Variants in FAM168A observed in about 807,000 individuals in gnomAD.
FAM168A encodes protein FAM168A.
Under a neutral mutation model 28.5 loss-of-function variants are expected in FAM168A, and 3 were observed. The ratio of observed to expected loss-of-function variants is 0.11; its 90% CI spans 0.05 to 0.27. The LOEUF (loss-of-function observed/expected upper bound fraction) is 0.27. Ranked by LOEUF, FAM168A falls within the 10% of genes least tolerant of loss-of-function variation. The probability of loss-of-function intolerance (pLI) is 1.00; values close to 1 mark genes in which losing one functional copy is unlikely to be tolerated. For missense variants in FAM168A, 222 were observed against 311.5 expected (o/e 0.71, Z 2.16); for synonymous variants, 122 against 124.2 (o/e 0.98, Z 0.12).
At chr11:73,468,869 T>C (rs1179460806) in intron 1 of FAM168A, among the ~76,000 whole-genome samples, 2 of 152,192 alleles carry the variant, frequency 1.3e-5, no homozygotes, top group Non-Finnish European at 2.9e-5. Flanking sequence ...GTTTAAGATC[T>C]CTGAGGTCCT....
At chr11:73,562,868 C>T (rs1943975243) in intron 1 of FAM168A, among the ~76,000 whole-genome samples, 1 of 152,052 alleles carries the variant, frequency 6.6e-6, no homozygotes, top group African/African-American at 2.4e-5. Flanking sequence ...GGTGGTTCTG[C>T]CTGAACCTGA....
chr11:73,584,724 G>A (rs1381522737), intron 1 of FAM168A, among the ~76,000 whole-genome samples: 3 of 151,772 alleles, frequency 2.0e-5, no homozygotes, highest in Non-Finnish European at 2.9e-5. Context: ...TGATCCGCCC[G>A]CCTCAGCCTC....
intron 2 of FAM168A, among the ~76,000 whole-genome samples, chr11:73,453,887 A>G (rs1867478630): frequency 6.6e-6 from 1 of 152,242 alleles, no homozygotes; most frequent in Non-Finnish European, 1.5e-5. Flanking sequence ...ACCATTGATT[A>G]AGGACCATAC....
At chr11:73,442,967 T>G (rs1295643199) in intron 2 of FAM168A, among the ~76,000 whole-genome samples, 1 of 96,952 alleles carries the variant, frequency 1.0e-5, no homozygotes, top group Non-Finnish European at 2.1e-5. Context: ...TATATATATA[T>G]ATATATATAT....
chr11:73,416,685 A>T (rs925200911), intron 4 of FAM168A, among the ~76,000 whole-genome samples: 2 of 152,156 alleles, frequency 1.3e-5, no homozygotes, highest in African/African-American at 4.8e-5. Flanking sequence ...TACTTGCTTG[A>T]AACAGAGGTA....
intron 1 of FAM168A, among the ~76,000 whole-genome samples, chr11:73,486,640 T>C (rs1300344156): frequency 6.6e-6 from 1 of 152,206 alleles, no homozygotes; most frequent in African/African-American, 2.4e-5. Flanking sequence ...AAGCTCACTG[T>C]AGAATTTTTC....
intron 1 of FAM168A, among the ~76,000 whole-genome samples, chr11:73,521,600 T>C (rs1462012436): frequency 1.3e-5 from 2 of 152,352 alleles, no homozygotes; most frequent in Admixed American, 1.3e-4. Context: ...AATTAGTCTT[T>C]ACCTGGATAA....
At chr11:73,496,221 C>T (rs952258291) in intron 1 of FAM168A, among the ~76,000 whole-genome samples, 8 of 152,104 alleles carry the variant, frequency 5.3e-5, no homozygotes, top group African/African-American at 9.7e-5. Context: ...ACTCACAAAA[C>T]GACAAATACT....
chr11:73,580,663 G>C (rs1368586731), intron 1 of FAM168A: 4 of 375,914 alleles, frequency 1.1e-5, no homozygotes, highest in Non-Finnish European at 2.0e-5. Context: ...TGTCCTTGTT[G>C]TTTTGAGAGG....
intron 1 of FAM168A, among the ~76,000 whole-genome samples, chr11:73,573,696 T>C (rs1452111505): frequency 1.3e-5 from 2 of 152,106 alleles, no homozygotes; most frequent in African/African-American, 4.8e-5. Flanking sequence ...CCCAGCACTT[T>C]GGGAGGCCAA....
intron 1 of FAM168A, among the ~76,000 whole-genome samples, chr11:73,553,102 TTA>T (rs1943847937): frequency 6.6e-6 from 1 of 152,058 alleles, no homozygotes; most frequent in African/African-American, 2.4e-5. Flanking sequence ...AGAAAGGGAG[TTA>T]TTATTATGGC....
chr11:73,412,660 T>C (rs1466352853), intron 4 of FAM168A, among the ~76,000 whole-genome samples: 1 of 152,204 alleles, frequency 6.6e-6, no homozygotes, highest in Non-Finnish European at 1.5e-5. Flanking sequence ...TTTTAATAAC[T>C]TCTCCTAAAG....
intron 2 of FAM168A, among the ~76,000 whole-genome samples, chr11:73,455,704 T>C (rs186512589): frequency 1.4e-4 from 21 of 152,334 alleles, no homozygotes; most frequent in African/African-American, 4.8e-4. Context: ...GAACAGAGTA[T>C]ATAACAAAAT....
intron 1 of FAM168A, among the ~76,000 whole-genome samples, chr11:73,491,568 G>A (rs193255379): frequency 1.3e-5 from 2 of 152,292 alleles, no homozygotes; most frequent in East Asian, 1.9e-4. Context: ...ACATATTCAA[G>A]GAGGATGCAT....
intron 1 of FAM168A, among the ~76,000 whole-genome samples, chr11:73,560,651 A>AACAGTG (rs1943947702): frequency 1.3e-5 from 2 of 152,252 alleles, no homozygotes; most frequent in African/African-American, 2.4e-5. Flanking sequence ...GCTAAATTTA[A>AACAGTG]ACAGTGATAA....
rs1009881605 is a variant in FAM168A, at chr11:73,404,373, G to A, written c.*2390C>T. On this transcript the variant is annotated 3_prime_UTR_variant, in exon 8 of 8. Coordinates refer to ENST00000356467, the MANE Select transcript of FAM168A (RefSeq NM_015159.3). ...ACTCTAACCCTGTCCCTCTCAGGGC[G>A]AGTACATGAAAGGCCGTGAAGTGCT... is the stretch of plus-strand genomic sequence containing the variant. 13 of 152,132 alleles carry A rather than the reference G, an allele frequency of 8.5e-5. No individual in the cohort carries two copies. Among genetic ancestry groups the A allele is most frequent in the African/African-American group, 2.7e-4 (11 of 41,422 alleles). The allele number at this position is 152,132 out of a possible 1,614,324, so 9.4% of individuals were successfully genotyped here.
At chr11:73,464,134 T>G (rs1032689431) in intron 2 of FAM168A, among the ~76,000 whole-genome samples, 4 of 151,540 alleles carry the variant, frequency 2.6e-5, no homozygotes, top group African/African-American at 9.7e-5. Context: ...AGTGTGACCT[T>G]AGAGAAGCTT....
chr11:73,411,068 T>A (rs1333731800), intron 5 of FAM168A, among the ~76,000 whole-genome samples: 1 of 152,226 alleles, frequency 6.6e-6, no homozygotes, highest in South Asian at 2.1e-4. Flanking sequence ...GGTGTAACCT[T>A]GGACAAGTCA....
chr11:73,529,124 G>A (rs1361805432), intron 1 of FAM168A, among the ~76,000 whole-genome samples: 1 of 152,216 alleles, frequency 6.6e-6, no homozygotes, highest in Non-Finnish European at 1.5e-5. Flanking sequence ...CAGCTTGCAA[G>A]TGCTGCTATT....
Sources: allele counts gnomAD v4.1 joint callset (sites outside exome capture counted in the v4.1 genomes callset), GRCh38; gene constraint gnomAD v4.1.1; transcripts MANE v1.5; gene names NCBI Gene and HGNC (gene_info 2026-07-23, HGNC 2026-07-21).